Variants in ADGRL2 observed in about 807,000 individuals in gnomAD.
The protein encoded by ADGRL2 is calcium-independent alpha-latrotoxin receptor 2.
In ADGRL2, 44 loss-of-function variants were observed where a neutral mutation model predicts 157.4. The ratio of observed to expected loss-of-function variants is 0.28; its 90% CI spans 0.22 to 0.36. The LOEUF is 0.36. Ranked by LOEUF, ADGRL2 falls within the 10% of genes least tolerant of loss-of-function variation. The pLI, the probability that ADGRL2 is intolerant of heterozygous loss-of-function variation, is 1.00. For missense variants in ADGRL2, 1,510 were observed against 1,768.9 expected, an observed-to-expected ratio of 0.85 and a Z score of 2.63; for synonymous variants, 585 against 624.7, an observed-to-expected ratio of 0.94 and a Z score of 0.95.
chr1:81,901,338 A>G (rs1184910985), intron 2 of ADGRL2, among the ~76,000 whole-genome samples: 1 of 152,178 alleles, frequency 6.6e-6, no homozygotes, highest in Non-Finnish European at 1.5e-5. Context: ...CTATTTTTCA[A>G]AGGCCTTAGA....
chr1:81,522,460 A>G (rs1490855284), intron 2 of ADGRL2, among the ~76,000 whole-genome samples: 1 of 152,206 alleles, frequency 6.6e-6, no homozygotes, highest in Non-Finnish European at 1.5e-5. Flanking sequence ...TGTCAGTTCA[A>G]GAGCTCTTCT....
chr1:81,914,451 T>C (rs2094808745), intron 3 of ADGRL2, among the ~76,000 whole-genome samples: 1 of 152,154 alleles, frequency 6.6e-6, no homozygotes, highest in Non-Finnish European at 1.5e-5. Context: ...CTAGTCAGGG[T>C]TACTCTTGCT....
chr1:81,616,823 C>G (rs2081664200), intron 3 of ADGRL2, among the ~76,000 whole-genome samples: 1 of 151,834 alleles, frequency 6.6e-6, no homozygotes, highest in Non-Finnish European at 1.5e-5. Flanking sequence ...ACCACAGGCA[C>G]CTGCCACTGC....
chr1:81,784,685 G>T (rs146937981), intron 2 of ADGRL2, among the ~76,000 whole-genome samples: 74 of 142,542 alleles, frequency 5.2e-4, no homozygotes, highest in African/African-American at 1.9e-3. Flanking sequence ...CTGAGATCAT[G>T]CCATTGCACT....
In ADGRL2 at chr1:81,942,954, C is replaced by T. The variant is rs1470293361; in HGVS notation, c.410-15C>T. On this transcript the variant is annotated splice_polypyrimidine_tract_variant and intron_variant, in intron 5 of 23. Coordinates refer to ENST00000686636, the MANE Select transcript of ADGRL2 (RefSeq NM_001366006.2). ...TTAACTTGGCTTAATTTTTGTCTTTCTCTGTAACTGTTAGTTTTTGTGTGT... is the reference window on the plus strand; with the variant it reads ...TTAACTTGGCTTAATTTTTGTCTTTTTCTGTAACTGTTAGTTTTTGTGTGT... The T allele has an allele frequency of 1.9e-6, 3 of 1,588,846 alleles. No homozygotes were observed. The South Asian group carries it at 3.4e-5, about 18-fold the overall frequency.
intron 2 of ADGRL2, among the ~76,000 whole-genome samples, chr1:81,565,118 A>G (rs2080528903): frequency 6.6e-6 from 1 of 152,224 alleles, no homozygotes; most frequent in African/African-American, 2.4e-5. Flanking sequence ...GCATTTACAG[A>G]TACATCTCAA....
At chr1:81,671,179 T>G (rs2082867807) in intron 3 of ADGRL2, among the ~76,000 whole-genome samples, 1 of 152,154 alleles carries the variant, frequency 6.6e-6, no homozygotes, top group South Asian at 2.1e-4. Flanking sequence ...CTCTCCCCTG[T>G]TCCTCACCCC....
Position 81,331,434 on chromosome 1 carries a change from T to C in ADGRL2, c.-302+24925T>C, listed in dbSNP as rs546670949. Among the ~76,000 whole-genome samples the C allele has an allele frequency of 2.0e-5, 3 of 152,238 alleles. No individual in the cohort carries two copies. The South Asian group carries it at 6.2e-4, about 32-fold the overall frequency. On this transcript the variant is annotated intron_variant, in intron 1 of 24. Transcript: ENST00000370721. ...ATCCAGGCAGTAGAAATATAGACAA[T>C]GATATATCAAGTCACAGGCATGATA...
At chr1:81,634,673 G>C (rs72937223) in intron 3 of ADGRL2, among the ~76,000 whole-genome samples, 1 of 151,866 alleles carries the variant, frequency 6.6e-6, no homozygotes, top group South Asian at 2.1e-4. Flanking sequence ...ATAGGCACAC[G>C]CCATCACGTT....
At chr1:81,637,231 C>A (rs2082132403) in intron 3 of ADGRL2, among the ~76,000 whole-genome samples, 1 of 152,106 alleles carries the variant, frequency 6.6e-6, no homozygotes, top group African/African-American at 2.4e-5. Context: ...GGTCAGATAT[C>A]CTGCAAAGTG....
At chr1:81,482,176 T>A (rs1333421459) in intron 2 of ADGRL2, among the ~76,000 whole-genome samples, 1 of 152,258 alleles carries the variant, frequency 6.6e-6, no homozygotes, top group African/African-American at 2.4e-5. Context: ...TCATTAATTA[T>A]TTGGGCTTTA....
At chr1:81,778,165 A>G (rs2086663711) in intron 2 of ADGRL2, among the ~76,000 whole-genome samples, 1 of 151,308 alleles carries the variant, frequency 6.6e-6, no homozygotes, top group Non-Finnish European at 1.5e-5. Flanking sequence ...CTAAAAATAC[A>G]AAAAAAATTA....
intron 2 of ADGRL2, among the ~76,000 whole-genome samples, chr1:81,531,894 C>A (rs968678934): frequency 1.3e-5 from 2 of 152,090 alleles, no homozygotes; most frequent in Non-Finnish European, 2.9e-5. Context: ...ACTTTAGACA[C>A]CGTAAAACCT....
At chr1:81,845,638 A>G (rs1471553392) in intron 2 of ADGRL2, among the ~76,000 whole-genome samples, 3 of 150,588 alleles carry the variant, frequency 2.0e-5, no homozygotes, top group Admixed American at 1.3e-4. Flanking sequence ...CTTTTTGTAC[A>G]CTGCTTTTGC....
Position 81,987,217 on chromosome 1 carries a change from G to C in ADGRL2, c.3637+188G>C, listed in dbSNP as rs2149504239. The C allele has an allele frequency of 5.8e-6, 8 of 1,369,616 alleles. No homozygotes were observed. In the East Asian group the frequency reaches 1.7e-4, roughly 29 times the overall value. The allele number at this position is 1,369,616 out of a possible 1,614,324, so 84.8% of individuals were successfully genotyped here. The stretch of plus-strand genomic sequence containing the variant: ...TGCACTATATTATAGTAAAAGCTCA[G>C]TCATGATAGTATTTACAATAATGAT... On this transcript the variant is annotated intron_variant, in intron 22 of 23. Transcript: ENST00000686636.
intron 1 of ADGRL2, among the ~76,000 whole-genome samples, chr1:81,725,958 G>A (rs1226858927): frequency 6.6e-6 from 1 of 152,068 alleles, no homozygotes; most frequent in South Asian, 2.1e-4. Context: ...ACTCCAGCCT[G>A]GGCGACAGAG....
At chr1:81,864,334 T>C (rs1246928162) in intron 2 of ADGRL2, among the ~76,000 whole-genome samples, 1 of 152,124 alleles carries the variant, frequency 6.6e-6, no homozygotes, top group South Asian at 2.1e-4. Context: ...CAAATACGTA[T>C]ATATTTAGTG....
At chr1:81,591,526 G>A (rs906235794) in intron 3 of ADGRL2, among the ~76,000 whole-genome samples, 1 of 152,184 alleles carries the variant, frequency 6.6e-6, no homozygotes, top group East Asian at 1.9e-4. Context: ...ATAGAACTGA[G>A]TCTGTGTATT....
chr1:81,503,200 G>A (rs1467765337), intron 2 of ADGRL2: 3 of 1,614,200 alleles, frequency 1.9e-6, no homozygotes, highest in African/African-American at 1.3e-5. Context: ...CAGGATCAAC[G>A]GCAGGGAAGA....
Sources: allele counts gnomAD v4.1 joint callset (sites outside exome capture counted in the v4.1 genomes callset), GRCh38; gene constraint gnomAD v4.1.1; transcripts MANE v1.5; gene names NCBI Gene and HGNC (gene_info 2026-07-23, HGNC 2026-07-21).